NTRK2: variants seen among roughly 807,000 people sequenced by gnomAD.
The protein encoded by NTRK2 is neurotrophic receptor tyrosine kinase 2, also known as BDNF/NT-3 growth factors receptor.
Under a neutral mutation model 94.5 loss-of-function variants are expected in NTRK2, and 13 were observed. That is an observed-to-expected ratio of 0.14 (90% confidence interval 0.09 to 0.22). The LOEUF is 0.22. Ranked by LOEUF, NTRK2 falls within the 10% of genes least tolerant of loss-of-function variation. NTRK2 has a pLI of 1.00. For missense variants in NTRK2, 639 were observed against 1,071.2 expected (o/e 0.60, Z 5.63); for synonymous variants, 372 against 407.4 (o/e 0.91, Z 1.05).
At chr9:84,958,161 T>G (rs1824402450) in intron 17 of NTRK2, among the ~76,000 whole-genome samples, 1 of 151,832 alleles carries the variant, frequency 6.6e-6, no homozygotes, top group Admixed American at 6.6e-5. Flanking sequence ...GTGCTAGAAC[T>G]ATATACAGTG....
chr9:84,833,095 G>C (rs981227863), intron 12 of NTRK2, among the ~76,000 whole-genome samples: 18 of 146,162 alleles, frequency 1.2e-4, no homozygotes, highest in African/African-American at 4.6e-4. Flanking sequence ...GGCCTCATTG[G>C]TGGTGGTGGT....
chr9:84,732,609 A>C (rs915888889), intron 9 of NTRK2, among the ~76,000 whole-genome samples: 9 of 152,212 alleles, frequency 5.9e-5, no homozygotes, highest in Non-Finnish European at 4.4e-5. Context: ...GCTAGAAATG[A>C]AAACTCTGGA....
At chr9:84,869,288 C>T (rs1376817138) in intron 14 of NTRK2, among the ~76,000 whole-genome samples, 1 of 152,110 alleles carries the variant, frequency 6.6e-6, no homozygotes, top group Non-Finnish European at 1.5e-5. Context: ...ACCCAAATGG[C>T]CAACCTCCAT....
At chr9:84,715,428 T>C (rs1421522550) in intron 6 of NTRK2, among the ~76,000 whole-genome samples, 1 of 152,192 alleles carries the variant, frequency 6.6e-6, no homozygotes, top group Non-Finnish European at 1.5e-5. Context: ...TCATTAATAG[T>C]GCAGTCAAAA....
chr9:84,893,596 C>T lies in NTRK2; in HGVS notation c.1633+26165C>T, dbSNP rs558126962. Among the ~76,000 whole-genome samples the T allele has an allele frequency of 1.3e-3, 205 of 152,276 alleles. No homozygotes were observed. In the Middle Eastern group the frequency reaches 0.014, roughly 10 times the overall value. On this transcript the variant is annotated intron_variant, in intron 14 of 18. Transcript: ENST00000277120. ...GCCGGCACACCCATGCAGGCACTCA[C>T]GAACCCCAGACGCTGTGTGTTTATT...
chr9:84,784,069 T>C (rs971390830), intron 12 of NTRK2, among the ~76,000 whole-genome samples: 5 of 151,986 alleles, frequency 3.3e-5, no homozygotes, highest in African/African-American at 1.2e-4. Context: ...CCCAAAAATG[T>C]TGTGGGCAAA....
chr9:84,819,037 A>T (rs1391695123), intron 12 of NTRK2, among the ~76,000 whole-genome samples: 1 of 152,106 alleles, frequency 6.6e-6, no homozygotes, highest in Non-Finnish European at 1.5e-5. Flanking sequence ...CCCATCTCAC[A>T]CGCTACAAGA....
At chr9:84,956,291 G>T (rs1824114971) in intron 17 of NTRK2, among the ~76,000 whole-genome samples, 2 of 152,172 alleles carry the variant, frequency 1.3e-5, no homozygotes, top group South Asian at 4.1e-4. Context: ...CAGCTTGTCT[G>T]GTGTTTCCAC....
intron 17 of NTRK2, among the ~76,000 whole-genome samples, chr9:85,017,641 C>T (rs964142326): frequency 1.3e-5 from 2 of 152,130 alleles, no homozygotes; most frequent in Admixed American, 1.3e-4. Flanking sequence ...GCCTCAGTCC[C>T]TGATGGATCT....
chr9:84,774,533 A>G (rs1296841924), intron 12 of NTRK2, among the ~76,000 whole-genome samples: 1 of 152,148 alleles, frequency 6.6e-6, no homozygotes, highest in Non-Finnish European at 1.5e-5. Context: ...GGTGGTACTG[A>G]TTTCAACACA....
intron 12 of NTRK2, among the ~76,000 whole-genome samples, chr9:84,817,877 TA>T (rs759092961): frequency 1.3e-5 from 2 of 152,228 alleles, no homozygotes; most frequent in African/African-American, 4.8e-5. Flanking sequence ...TTTGAAGTCA[TA>T]AATTTCATGT....
intron 12 of NTRK2, among the ~76,000 whole-genome samples, chr9:84,839,601 G>A (rs1564373284): frequency 1.3e-5 from 2 of 152,184 alleles, no homozygotes; most frequent in African/African-American, 2.4e-5. Flanking sequence ...TTTATGGAGC[G>A]CGTACAGGCC....
chr9:84,723,843 T>C, intron 7 of NTRK2, 134 bp downstream of exon 7: 1 of 1,243,494 alleles, frequency 8.0e-7, no homozygotes, highest in Non-Finnish European at 1.2e-6. Context: ...GTTTTTGATG[T>C]ACATTCACTT....
chr9:84,777,428 G>A (rs2067157081), intron 12 of NTRK2, among the ~76,000 whole-genome samples: 1 of 152,160 alleles, frequency 6.6e-6, no homozygotes, highest in South Asian at 2.1e-4. Context: ...ATGCAAAACA[G>A]TTAATTTCCC....
At chr9:84,895,951 T>C (rs1336608015) in intron 14 of NTRK2, among the ~76,000 whole-genome samples, 3 of 152,254 alleles carry the variant, frequency 2.0e-5, no homozygotes, top group Admixed American at 1.3e-4. Context: ...AGGCCTATGT[T>C]AATTCGTAAA....
At chr9:84,924,229 T>TAGAAAGAA (rs774882842) in intron 14 of NTRK2, among the ~76,000 whole-genome samples, 4,571 of 115,620 alleles carry the variant, frequency 0.04, 128 homozygotes, top group Middle Eastern at 0.057. Context: ...AGAAAGAAAG[T>TAGAAAGAA]AGAAAGAAAG....
intron 14 of NTRK2, chr9:84,874,102 T>C (rs1002387322): frequency 9.4e-7 from 1 of 1,064,576 alleles, no homozygotes; most frequent in African/African-American, 1.6e-5. Context: ...CTGGAGTGTG[T>C]GTACCAACAG....
chr9:84,965,697 C>A (rs1186269697), intron 17 of NTRK2, among the ~76,000 whole-genome samples: 1 of 152,148 alleles, frequency 6.6e-6, no homozygotes, highest in Non-Finnish European at 1.5e-5. Flanking sequence ...CAGATCATGA[C>A]AATTGCCTAA....
chr9:84,943,256 C>T (rs1054939231), intron 15 of NTRK2, among the ~76,000 whole-genome samples: 1 of 152,202 alleles, frequency 6.6e-6, no homozygotes, highest in Non-Finnish European at 1.5e-5. Flanking sequence ...TATTCTATCA[C>T]ACCAATGATT....
Sources: allele counts gnomAD v4.1 joint callset (sites outside exome capture counted in the v4.1 genomes callset), GRCh38; gene constraint gnomAD v4.1.1; transcripts MANE v1.5; gene names NCBI Gene and HGNC (gene_info 2026-07-23, HGNC 2026-07-21).